WDPCP: variants seen among roughly 807,000 people sequenced by gnomAD.
The protein encoded by WDPCP is WD repeat-containing and planar cell polarity effector protein fritz homolog.
Under a neutral mutation model 93.1 loss-of-function variants are expected in WDPCP, and 71 were observed. That is an observed-to-expected ratio of 0.76 (90% CI 0.63 to 0.93). WDPCP has a LOEUF of 0.93. WDPCP is among the 40% of genes least tolerant of loss of function. The pLI is 0.00. For missense variants in WDPCP, 844 were observed against 887.4 expected, an observed-to-expected ratio of 0.95 and a Z score of 0.62; for synonymous variants, 315 against 315.0, an observed-to-expected ratio of 1.00 and a Z score of 0.00.
At chr2:63,789,330 C>T in intron 2 of WDPCP, among the ~76,000 whole-genome samples, 1 of 151,852 alleles carries the variant, frequency 6.6e-6, no homozygotes, top group East Asian at 1.9e-4. Context: ...TAGCAAGGGC[C>T]CCCAAATTAA....
intron 12 of WDPCP, among the ~76,000 whole-genome samples, chr2:63,317,733 C>G (rs1046054510): frequency 3.9e-5 from 6 of 152,080 alleles, no homozygotes; most frequent in Non-Finnish European, 8.8e-5. Flanking sequence ...TGAAACTACG[C>G]CCCTTCCTTT....
chr2:63,767,911 C>A (rs1226568450), intron 2 of WDPCP, among the ~76,000 whole-genome samples: 5 of 151,708 alleles, frequency 3.3e-5, no homozygotes, highest in Admixed American at 6.6e-5. Context: ...TTTGTTTAGC[C>A]CAAGGTTACC....
At chr2:63,718,758 A>G (rs1423134539) in intron 2 of WDPCP, among the ~76,000 whole-genome samples, 1 of 152,192 alleles carries the variant, frequency 6.6e-6, no homozygotes, top group South Asian at 2.1e-4. Context: ...AACTTTCTAA[A>G]AGATGCTTCA....
intron 14 of WDPCP, among the ~76,000 whole-genome samples, chr2:63,241,361 A>G (rs543115330): frequency 2.2e-3 from 334 of 152,324 alleles, no homozygotes; most frequent in Non-Finnish European, 3.9e-3. Context: ...ATTGGCAGGA[A>G]TATACCTAAG....
At chr2:63,219,601 T>C (rs1039763648) in intron 14 of WDPCP, among the ~76,000 whole-genome samples, 5 of 152,266 alleles carry the variant, frequency 3.3e-5, no homozygotes, top group Non-Finnish European at 7.3e-5. Context: ...ACTTTGGTTA[T>C]TTATCTTGCT....
intron 10 of WDPCP, among the ~76,000 whole-genome samples, chr2:63,395,524 C>T (rs1693647860): frequency 6.6e-6 from 1 of 152,080 alleles, no homozygotes; most frequent in Admixed American, 6.6e-5. Context: ...AGGATAATGG[C>T]CTCTAGCTCC....
At chr2:63,621,793 A>G (rs1477441785) in intron 3 of WDPCP, among the ~76,000 whole-genome samples, 1 of 152,228 alleles carries the variant, frequency 6.6e-6, no homozygotes, top group Non-Finnish European at 1.5e-5. Context: ...GGGTTACCCA[A>G]AAGGGAAGCC....
intron 3 of WDPCP, among the ~76,000 whole-genome samples, chr2:63,611,869 C>A (rs1043369447): frequency 6.6e-6 from 1 of 152,170 alleles, no homozygotes; most frequent in South Asian, 2.1e-4. Flanking sequence ...GGAATAGACT[C>A]GTATTCTAAA....
chr2:63,328,027 T>A (rs559476743), intron 12 of WDPCP, among the ~76,000 whole-genome samples: 1 of 152,086 alleles, frequency 6.6e-6, no homozygotes, highest in African/African-American at 2.4e-5. Context: ...CCAACAGCAA[T>A]TGGGGTGTCC....
chr2:63,561,487 TAA>T (rs35144678), intron 1 of WDPCP, among the ~76,000 whole-genome samples: 1 of 139,122 alleles, frequency 7.2e-6, no homozygotes, highest in African/African-American at 2.7e-5. Context: ...AAATAATAAT[TAA>T]AAAAAAAAAA....
chr2:63,651,505 C>T (rs1028593056), intron 2 of WDPCP, among the ~76,000 whole-genome samples: 7 of 151,540 alleles, frequency 4.6e-5, no homozygotes, highest in African/African-American at 7.3e-5. Flanking sequence ...AAGAAATTGG[C>T]TCATACAATG....
At chr2:63,668,536 A>C (rs1710310567) in intron 2 of WDPCP, among the ~76,000 whole-genome samples, 1 of 152,198 alleles carries the variant, frequency 6.6e-6, no homozygotes, top group East Asian at 1.9e-4. Context: ...CAGGGTACTG[A>C]CCAAAAGTGT....
chr2:63,130,506 T>A (rs1251017812), intron 17 of WDPCP, among the ~76,000 whole-genome samples: 1 of 152,196 alleles, frequency 6.6e-6, no homozygotes, highest in East Asian at 1.9e-4. Context: ...TTTTGATTAC[T>A]GTAGCTTTGT....
intron 1 of WDPCP, among the ~76,000 whole-genome samples, chr2:63,543,129 A>C (rs944899788): frequency 6.6e-6 from 1 of 152,288 alleles, no homozygotes; most frequent in African/African-American, 2.4e-5. Flanking sequence ...TTGTTAATGG[A>C]AAATAAGTTT....
At chr2:63,448,437 A>AAC (rs35247066) in intron 6 of WDPCP, among the ~76,000 whole-genome samples, 53 of 148,792 alleles carry the variant, frequency 3.6e-4, no homozygotes, top group African/African-American at 4.7e-4. Flanking sequence ...AAAATACATC[A>AAC]ACACACACAC....
At chr2:63,175,003 C>A (rs547043799) in intron 14 of WDPCP, among the ~76,000 whole-genome samples, 171 bp from the exon 15 acceptor site, 3 of 152,284 alleles carry the variant, frequency 2.0e-5, no homozygotes, top group South Asian at 2.1e-4. Flanking sequence ...CTTATACTTA[C>A]TTCAGCAGTT....
At chr2:63,299,182 G>C (rs1685132489) in intron 13 of WDPCP, among the ~76,000 whole-genome samples, 1 of 152,226 alleles carries the variant, frequency 6.6e-6, no homozygotes, top group Non-Finnish European at 1.5e-5. Context: ...GCCACATTGT[G>C]AGTCCCTTAA....
rs888684372 is a variant in WDPCP, at chr2:63,125,715, C to G, written c.2191-3659G>C. The stretch of plus-strand genomic sequence containing the variant: ...CTCCGCTTCCCGGGTTCAAGCAGTT[C>G]TCCCTGCCTCAGCCTTCTGAGTAGC... On this transcript the variant is annotated intron_variant, in intron 17 of 17. Transcript: ENST00000272321. 2.6e-5 allele frequency among the ~76,000 whole-genome samples: 4 copies of G among 151,848 alleles called. No homozygotes were observed. The East Asian group carries it at 7.8e-4, about 30-fold the overall frequency.
chr2:63,498,677 G>A (rs1301287368), intron 1 of WDPCP, among the ~76,000 whole-genome samples: 2 of 152,188 alleles, frequency 1.3e-5, no homozygotes, highest in Admixed American at 1.3e-4. Context: ...CTCTGCCCGG[G>A]TAAAGTATGC....
Sources: gnomAD v4.1 joint callset for allele counts (sites outside exome capture counted in the v4.1 genomes callset) on GRCh38, gnomAD v4.1.1 for gene constraint, MANE v1.5 for transcripts, NCBI Gene and HGNC (gene_info 2026-07-23, HGNC 2026-07-21) for gene names.